KCNIP4: variants seen among roughly 807,000 people sequenced by gnomAD.
KCNIP4 encodes Kv channel-interacting protein 4.
Under a neutral mutation model 34.0 loss-of-function variants are expected in KCNIP4, and 12 were observed. The ratio of observed to expected loss-of-function variants is 0.35; its 90% CI spans 0.23 to 0.57. KCNIP4 has a LOEUF of 0.57. KCNIP4 is among the 20% of genes least tolerant of loss of function. The probability of loss-of-function intolerance (pLI) is 0.83; values close to 1 mark genes in which losing one functional copy is unlikely to be tolerated. For missense variants in KCNIP4, 238 were observed against 311.7 expected, an observed-to-expected ratio of 0.76 and a Z score of 1.78; for synonymous variants, 124 against 102.2, an observed-to-expected ratio of 1.21 and a Z score of -1.29.
At chr4:21,353,422 A>T (rs1718225866) in intron 1 of KCNIP4, among the ~76,000 whole-genome samples, 1 of 152,196 alleles carries the variant, frequency 6.6e-6, no homozygotes, top group Admixed American at 6.5e-5. Context: ...TGAATGGCTA[A>T]CTAGACTAAA....
At chr4:20,798,548 A>C (rs4697183) in intron 3 of KCNIP4, among the ~76,000 whole-genome samples, 75,209 of 150,994 alleles carry the variant, frequency 0.5, 19,163 homozygotes, top group African/African-American at 0.6. Context: ...CAGACACACA[A>C]AAAAGCTATG....
chr4:20,915,426 T>A (rs562188522), intron 1 of KCNIP4, among the ~76,000 whole-genome samples: 3 of 152,180 alleles, frequency 2.0e-5, no homozygotes, highest in African/African-American at 4.8e-5. Flanking sequence ...TCAGCAAAAG[T>A]AACTAAAAGA....
At chr4:21,539,454 C>A (rs1176527654) in intron 1 of KCNIP4, among the ~76,000 whole-genome samples, 1 of 152,122 alleles carries the variant, frequency 6.6e-6, no homozygotes, top group Non-Finnish European at 1.5e-5. Flanking sequence ...TTGATGAGTG[C>A]AGTTGTAAGT....
At chr4:21,845,932 G>C (rs1227508750) in intron 1 of KCNIP4, 1 of 151,928 alleles carries the variant, frequency 6.6e-6, no homozygotes, top group African/African-American at 2.4e-5. Flanking sequence ...CTCAATAACA[G>C]TCATATTAAA....
chr4:21,064,370 G>T (rs561901423), intron 1 of KCNIP4, among the ~76,000 whole-genome samples: 2 of 151,294 alleles, frequency 1.3e-5, no homozygotes, highest in Non-Finnish European at 1.5e-5. Context: ...AATAAAAATA[G>T]TGTGTTGGCA....
At chr4:21,427,846 A>C (rs1211528389) in intron 1 of KCNIP4, among the ~76,000 whole-genome samples, 1 of 152,198 alleles carries the variant, frequency 6.6e-6, no homozygotes, top group African/African-American at 2.4e-5. Flanking sequence ...AGAAACCATC[A>C]TAGCCAACAT....
chr4:21,528,615 C>G (rs1223097345), intron 1 of KCNIP4, among the ~76,000 whole-genome samples: 1 of 150,020 alleles, frequency 6.7e-6, no homozygotes, highest in Admixed American at 6.7e-5. Flanking sequence ...TGCAGTGAGC[C>G]AAGAACGCGT....
At chr4:21,451,709 C>T (rs982871850) in intron 1 of KCNIP4, among the ~76,000 whole-genome samples, 26 of 152,100 alleles carry the variant, frequency 1.7e-4, no homozygotes, top group African/African-American at 5.8e-4. Context: ...TTACCAAACA[C>T]GTCAGTGGTG....
intron 1 of KCNIP4, among the ~76,000 whole-genome samples, chr4:21,699,469 A>C (rs563627735): frequency 6.6e-6 from 1 of 152,326 alleles, no homozygotes; most frequent in African/African-American, 2.4e-5. Context: ...GAACATTAAA[A>C]CCAGCTGGCA....
intron 1 of KCNIP4, among the ~76,000 whole-genome samples, chr4:21,842,215 G>A (rs930092580): frequency 2.0e-5 from 3 of 152,102 alleles, no homozygotes; most frequent in African/African-American, 7.2e-5. Context: ...TCAGAGTTCA[G>A]TAAGATTTTT....
chr4:21,755,173 A>T (rs1160021080), intron 1 of KCNIP4, among the ~76,000 whole-genome samples: 1 of 152,166 alleles, frequency 6.6e-6, no homozygotes, highest in African/African-American at 2.4e-5. Context: ...TGGAAAGAAT[A>T]AAAGCTTTAG....
At chr4:21,519,162 G>A (rs899341568) in intron 1 of KCNIP4, among the ~76,000 whole-genome samples, 3 of 152,034 alleles carry the variant, frequency 2.0e-5, no homozygotes, top group African/African-American at 4.8e-5. Flanking sequence ...GGAGGTGATT[G>A]AGACTTAAGG....
intron 1 of KCNIP4, among the ~76,000 whole-genome samples, chr4:20,954,126 C>G (rs1733063009): frequency 6.6e-6 from 1 of 152,132 alleles, no homozygotes; most frequent in Admixed American, 6.5e-5. Context: ...AGTATTACCT[C>G]AAGTGAACAC....
intron 1 of KCNIP4, among the ~76,000 whole-genome samples, chr4:21,744,074 C>T (rs1716606803): frequency 6.6e-6 from 1 of 152,112 alleles, no homozygotes; most frequent in African/African-American, 2.4e-5. Flanking sequence ...TAATGAGCTA[C>T]TACTGCAATG....
intron 2 of KCNIP4, among the ~76,000 whole-genome samples, chr4:20,872,598 A>G (rs945674946): frequency 1.3e-5 from 2 of 152,160 alleles, no homozygotes; most frequent in East Asian, 3.9e-4. Flanking sequence ...TAGCTCAAAT[A>G]TTACTTTTTA....
chr4:21,388,811 C>A (rs1722271555), intron 1 of KCNIP4, among the ~76,000 whole-genome samples: 2 of 151,954 alleles, frequency 1.3e-5, no homozygotes, highest in African/African-American at 4.8e-5. Flanking sequence ...ATATGATGAC[C>A]CATGTTGTAT....
chr4:21,308,163 A>G (rs1712696561), intron 1 of KCNIP4, among the ~76,000 whole-genome samples: 1 of 152,196 alleles, frequency 6.6e-6, no homozygotes, highest in South Asian at 2.1e-4. Context: ...AGAAATATTA[A>G]GAGCATCCAA....
At chr4:21,056,731 CTG>C (rs1425258611) in intron 1 of KCNIP4, among the ~76,000 whole-genome samples, 2 of 152,110 alleles carry the variant, frequency 1.3e-5, no homozygotes, top group African/African-American at 4.8e-5. Flanking sequence ...CCTCTGAAGG[CTG>C]TTTGTATTGA....
chr4:21,388,215 T>A (rs1232668874), intron 1 of KCNIP4, among the ~76,000 whole-genome samples: 4 of 151,482 alleles, frequency 2.6e-5, no homozygotes, highest in African/African-American at 9.7e-5. Flanking sequence ...ATTTATTTTA[T>A]AGTCTAAAAG....
Sources: gnomAD v4.1 joint callset for allele counts (sites outside exome capture counted in the v4.1 genomes callset) on GRCh38, gnomAD v4.1.1 for gene constraint, MANE v1.5 for transcripts, NCBI Gene and HGNC (gene_info 2026-07-23, HGNC 2026-07-21) for gene names.